The following ELP5 variants were observed in gnomAD, a reference collection of about 807,000 sequenced individuals.
ELP5 encodes elongator complex protein 5.
ELP5 carries 34 observed loss-of-function variants against 33.4 expected under a neutral mutation model. The ratio of observed to expected loss-of-function variants is 1.02; its 90% CI spans 0.78 to 1.36. The LOEUF (loss-of-function observed/expected upper bound fraction) is 1.36, where lower values mean the gene tolerates loss of function less well. Among genes scored for constraint, ELP5 ranks in the 40% most tolerant of loss-of-function variants. ELP5 has a pLI of 0.00. For missense variants in ELP5, 373 were observed against 371.7 expected, an observed-to-expected ratio of 1.00 and a Z score of -0.03; for synonymous variants, 161 against 146.4, an observed-to-expected ratio of 1.10 and a Z score of -0.72.
In ELP5 at chr17:7,256,919, C is replaced by T. The variant is rs778118234; in HGVS notation, c.472C>T (p.Pro158Ser). ...LGLLHEELHG[P>S]GPVGALSSLA... ...CTTGCTACATGAAGAGCTTCATGGA[C>T]CAGGCCCTGTGGGAGCTCTCAGCAG... Residue 158 changes from proline to serine, a missense_variant, in exon 5 of 8, where the codon CCA becomes TCA. Coordinates refer to ENST00000396628, the MANE Select transcript of ELP5 (RefSeq NM_203414.3). 7 of 1,614,020 alleles carry T rather than the reference C, an allele frequency of 4.3e-6. No homozygotes were observed. The African/African-American group carries it at 6.7e-5, about 15-fold the overall frequency.
At position 7,252,417 on chromosome 17, in the gene ELP5, T is replaced by C; in HGVS notation, c.-134T>C. The C allele has an allele frequency of 7.3e-7, 1 of 1,376,030 alleles. No homozygotes were observed. The highest frequency in any genetic ancestry group is 1.0e-6 in the Non-Finnish European group (1 of 982,898). The allele number at this position is 1,376,030 out of a possible 1,614,324, so 85.2% of individuals were successfully genotyped here. The stretch of plus-strand genomic sequence containing the variant: ...TGGGAATATTGAACATAATCACCTC[T>C]CATTCCAGACTATGTTAGGTCTTAA... On this transcript the variant is annotated 5_prime_UTR_variant, in exon 1 of 8. Coordinates refer to ENST00000396628, the MANE Select transcript of ELP5 (RefSeq NM_203414.3).
intron 5 of ELP5, among the ~76,000 whole-genome samples, chr17:7,257,431 GTTT>G (rs5819151): frequency 2.2e-5 from 3 of 139,116 alleles, no homozygotes; most frequent in Admixed American, 7.1e-5. Context: ...TTCCCTTGGA[GTTT>G]TTTTTTTTTT....
chr17:7,252,542 G>A lies in ELP5; in HGVS notation c.-9G>A, dbSNP rs2521988. 0.13 allele frequency: 216,586 copies of A among 1,613,492 alleles called. 16,139 individuals are homozygous for A. The highest frequency in any genetic ancestry group is 0.22 in the South Asian group (19,576 of 91,000). On this transcript the variant is annotated 5_prime_UTR_variant, in exon 1 of 8. Transcript: ENST00000396628. ...GGGCGCCAGAGCAGGGACCGGACGC[G>A]AGTTGGAGATGTTGGACTCGCTGTT...
Position 7,252,218 on chromosome 17 carries a change from TGGCCCGCGCTTAG to T in ELP5, c.-327_-315del. Reference sequence around the variant, plus strand: ...CGTGGGCGGGGAGAGTGACGTCACTTGGCCCGCGCTTAGGGCCCTCGCGGGGGGCTTGTGGGTC... The same window carrying T: ...CGTGGGCGGGGAGAGTGACGTCACTTGGCCCTCGCGGGGGGCTTGTGGGTC... On this transcript the variant is annotated 5_prime_UTR_variant, in exon 1 of 8. Coordinates refer to ENST00000396628, the MANE Select transcript of ELP5 (RefSeq NM_203414.3). The T allele has an allele frequency of 2.4e-6, 1 of 423,150 alleles. No individual in the cohort carries two copies. Among genetic ancestry groups the T allele is most frequent in the Admixed American group, 3.9e-5 (1 of 25,368 alleles). 26.2% of individuals were successfully genotyped at this position (423,150 alleles called of 1,614,324 possible). A position where few individuals can be genotyped will look rare whatever the true frequency, so the allele number is the denominator to read the frequency against.
rs1381175915 is a variant in ELP5 at position 7,258,653 on chromosome 17, C to A, written c.657C>A (p.Ser219=). The A allele has an allele frequency of 1.2e-6, 2 of 1,613,962 alleles. No homozygotes were observed. Among genetic ancestry groups the A allele is most frequent in the Admixed American group, 3.3e-5 (2 of 59,986 alleles). ...LDLQEGPSVE[S]QPYSDPHIPP... ...TCCAAGAGGGGCCCTCTGTAGAGTC[C>A]CAGCCCTACTCCGATCCTCATATAC... Residue 219 remains serine (S), a synonymous_variant, in exon 6 of 8, where the codon TCC becomes TCA. Coordinates refer to ENST00000396628, the MANE Select transcript of ELP5 (RefSeq NM_203414.3).
At chr17:7,252,617 G>A (rs1442619538) in intron 1 of ELP5, 21 bp downstream of exon 1, 1 of 1,608,534 alleles carries the variant, frequency 6.2e-7, no homozygotes, top group Admixed American at 1.7e-5. Context: ...GAGGCACGGT[G>A]GCGGGGCGGG....
chr17:7,252,984 T>C lies in ELP5; in HGVS notation c.174T>C (p.Ser58=), dbSNP rs2071984819. 2.5e-6 allele frequency: 4 copies of C among 1,614,072 alleles called. No individual in the cohort carries two copies. The highest frequency in any genetic ancestry group is 3.4e-6 in the Non-Finnish European group (4 of 1,180,020). ...AAGAGTTTCGTGAAGGTTTTGACTC[T>C]GATATCAACAATCGGTAAGTACCAG... ...SEEEFREGFD[S]DINNRLVYHD... Residue 58 remains serine (S), a synonymous_variant, in exon 3 of 8, where the codon TCT becomes TCC. Transcript: ENST00000396628.
intron 4 of ELP5, 195 bp downstream of exon 4, chr17:7,254,998 G>T: frequency 7.2e-6 from 4 of 552,678 alleles, no homozygotes; most frequent in South Asian, 2.3e-5. Flanking sequence ...TTTTCTCCAA[G>T]TTATTTTTTT....
At chr17:7,252,109 T>G (rs892711747), upstream of ELP5, 5 of 319,346 alleles carry the variant, frequency 1.6e-5, no homozygotes, top group South Asian at 2.5e-5. Context: ...CCAAAAGCAC[T>G]CCAAGCGAGG....
rs113152347 is a variant in ELP5 at position 7,252,215 on chromosome 17, A to C, written c.-336A>C. On this transcript the variant is annotated 5_prime_UTR_variant, in exon 1 of 8. Transcript: ENST00000396628. Reference sequence around the variant, plus strand: ...CTGCGTGGGCGGGGAGAGTGACGTCACTTGGCCCGCGCTTAGGGCCCTCGC... The same window carrying C: ...CTGCGTGGGCGGGGAGAGTGACGTCCCTTGGCCCGCGCTTAGGGCCCTCGC... The C allele has an allele frequency of 2.4e-6, 1 of 419,426 alleles. No individual in the cohort carries two copies. Among genetic ancestry groups the C allele is most frequent in the African/African-American group, 2.1e-5 (1 of 48,414 alleles). 26.0% of individuals were successfully genotyped at this position (419,426 alleles called of 1,614,324 possible). A position where few individuals can be genotyped will look rare whatever the true frequency, so the allele number is the denominator to read the frequency against.
Position 7,252,387 on chromosome 17 carries a change from C to T in ELP5, c.-164C>T, listed in dbSNP as rs2071954587. On this transcript the variant is annotated 5_prime_UTR_variant, in exon 1 of 8. Coordinates refer to ENST00000396628, the MANE Select transcript of ELP5 (RefSeq NM_203414.3). ...GGAGGGGCGCCCTCCGCGTGAGCGC[C>T]CCCCTGGGAATATTGAACATAATCA... 2.7e-6 allele frequency: 3 copies of T among 1,102,590 alleles called. No individual in the cohort carries two copies. The highest frequency in any genetic ancestry group is 2.7e-5 in the South Asian group (2 of 74,168). The allele number at this position is 1,102,590 out of a possible 1,614,324, so 68.3% of individuals were successfully genotyped here. A position where few individuals can be genotyped will look rare whatever the true frequency, so the allele number is the denominator to read the frequency against.
chr17:7,257,556 G>GT (rs2072105796), intron 5 of ELP5, among the ~76,000 whole-genome samples: 1 of 151,682 alleles, frequency 6.6e-6, no homozygotes, highest in South Asian at 2.1e-4. Flanking sequence ...TCAGCCTCTG[G>GT]TGTAGCTGGA....
At chr17:7,252,618 G>A (rs749523168) in intron 1 of ELP5, 22 bp downstream of exon 1, 1 of 1,608,654 alleles carries the variant, frequency 6.2e-7, no homozygotes, top group East Asian at 2.2e-5. Context: ...AGGCACGGTG[G>A]CGGGGCGGGG....
chr17:7,259,460 T>C (rs1426644885), intron 7 of ELP5, 111 bp from the exon 8 acceptor site: 1 of 1,537,570 alleles, frequency 6.5e-7, no homozygotes, highest in Non-Finnish European at 8.7e-7. Flanking sequence ...ACCAATAAAA[T>C]GACATGGAGG....
intron 5 of ELP5, among the ~76,000 whole-genome samples, chr17:7,257,865 C>G (rs376406329): frequency 1.3e-5 from 2 of 152,150 alleles, no homozygotes; most frequent in South Asian, 2.1e-4. Flanking sequence ...GTCAGGAGTT[C>G]GAGACCGGCC....
chr17:7,259,617 ATCT>A lies in ELP5; in HGVS notation c.839_841del (p.Phe280del), dbSNP rs1567594715. The stretch of plus-strand genomic sequence containing the variant: ...TAGGCCAGGGCAGGCTACCAGCCAC[ATCT>A]TCTATGAGCCAGATGCTTATGATGA... On this transcript the variant is annotated inframe_deletion, in exon 8 of 8. Coordinates refer to ENST00000396628, the MANE Select transcript of ELP5 (RefSeq NM_203414.3). The A allele has an allele frequency of 5.0e-6, 8 of 1,614,280 alleles. No individual in the cohort carries two copies. The highest frequency in any genetic ancestry group is 1.7e-5 in the Admixed American group (1 of 60,026).
At chr17:7,257,162 G>C (rs192044333) in intron 5 of ELP5, 124 bp downstream of exon 5, 5 of 1,070,926 alleles carry the variant, frequency 4.7e-6, no homozygotes, top group Non-Finnish European at 5.2e-6. Flanking sequence ...TTAGAGATGG[G>C]GTTTCACTGT....
At chr17:7,258,740 G>A in intron 6 of ELP5, 57 bp downstream of exon 6, 1 of 1,614,036 alleles carries the variant, frequency 6.2e-7, no homozygotes, top group East Asian at 2.2e-5. Context: ...CTGGTCACGG[G>A]AGAGAAAATA....
At chr17:7,256,251 A>T (rs1238664176) in intron 4 of ELP5, among the ~76,000 whole-genome samples, 6 of 152,148 alleles carry the variant, frequency 3.9e-5, no homozygotes, top group African/African-American at 1.4e-4. Flanking sequence ...CAGGAGACTG[A>T]GGCAGTATTG....
Sources: gnomAD v4.1 joint callset for allele counts (sites outside exome capture counted in the v4.1 genomes callset) on GRCh38, gnomAD v4.1.1 for gene constraint, MANE v1.5 for transcripts, NCBI Gene and HGNC (gene_info 2026-07-23, HGNC 2026-07-21) for gene names.